CAMK1D: variants seen among roughly 807,000 people sequenced by gnomAD.
CAMK1D encodes calcium/calmodulin-dependent protein kinase type 1D.
In CAMK1D, 9 loss-of-function variants were observed where a neutral mutation model predicts 47.7. That is an observed-to-expected ratio of 0.19 (90% CI 0.11 to 0.33). The LOEUF (loss-of-function observed/expected upper bound fraction) is 0.33, where lower values mean the gene tolerates loss of function less well. Among genes scored for constraint, CAMK1D ranks in the 10% least tolerant of loss-of-function variants. The pLI is 1.00. For missense variants in CAMK1D, 291 were observed against 488.7 expected, an observed-to-expected ratio of 0.60 and a Z score of 3.81; for synonymous variants, 184 against 184.9, an observed-to-expected ratio of 0.99 and a Z score of 0.04.
intron 4 of CAMK1D, among the ~76,000 whole-genome samples, chr10:12,768,456 G>T (rs571287122): frequency 1.2e-4 from 19 of 152,172 alleles, no homozygotes; most frequent in Admixed American, 5.2e-4. Context: ...CCGCTGGGGC[G>T]GGGGAGGAGA....
chr10:12,482,771 G>A (rs893767497), intron 1 of CAMK1D, among the ~76,000 whole-genome samples: 1 of 152,186 alleles, frequency 6.6e-6, no homozygotes, highest in Non-Finnish European at 1.5e-5. Context: ...ACTGCCAGGC[G>A]ATAGGGCTAA....
chr10:12,463,218 A>C (rs1327734316), intron 1 of CAMK1D, among the ~76,000 whole-genome samples: 2 of 151,412 alleles, frequency 1.3e-5, no homozygotes, highest in Non-Finnish European at 2.9e-5. Context: ...GCTCACTGCA[A>C]CCTCTGCCTC....
chr10:12,391,291 A>G (rs544495552), intron 1 of CAMK1D, among the ~76,000 whole-genome samples: 3 of 152,310 alleles, frequency 2.0e-5, no homozygotes, highest in African/African-American at 7.2e-5. Flanking sequence ...TGGAATCACT[A>G]TGTAAATTAA....
chr10:12,528,249 A>C (rs900818712), intron 1 of CAMK1D, among the ~76,000 whole-genome samples: 7 of 152,258 alleles, frequency 4.6e-5, no homozygotes, highest in Non-Finnish European at 8.8e-5. Flanking sequence ...CAATAAGAAG[A>C]AGCATGTTAA....
intron 2 of CAMK1D, among the ~76,000 whole-genome samples, chr10:12,611,372 G>A (rs998139864): frequency 1.3e-5 from 2 of 151,976 alleles, no homozygotes; most frequent in African/African-American, 4.8e-5. Context: ...TGACGTTCCC[G>A]CTCCTGCAGC....
chr10:12,610,663 T>C (rs1279243010), intron 2 of CAMK1D, among the ~76,000 whole-genome samples: 1 of 152,198 alleles, frequency 6.6e-6, no homozygotes, highest in Admixed American at 6.5e-5. Context: ...GGGACGGTCT[T>C]CACAGTGGAA....
At chr10:12,798,468 G>A (rs2482032) in intron 6 of CAMK1D, among the ~76,000 whole-genome samples, 55,618 of 151,948 alleles carry the variant, frequency 0.37, 10,443 homozygotes, top group East Asian at 0.53. Context: ...GAGGGAGGTG[G>A]TGGGGCAGCT....
intron 8 of CAMK1D, among the ~76,000 whole-genome samples, chr10:12,823,682 G>A (rs1303595790): frequency 1.3e-5 from 2 of 152,090 alleles, no homozygotes; most frequent in Non-Finnish European, 1.5e-5. Context: ...GGCAGGCTCA[G>A]GAATCAGCTA....
chr10:12,399,503 G>GA (rs34522793), intron 1 of CAMK1D, among the ~76,000 whole-genome samples: 135 of 140,794 alleles, frequency 9.6e-4, no homozygotes, highest in Middle Eastern at 3.6e-3. Flanking sequence ...GACTCCGTCT[G>GA]AAAAAAAAAA....
At chr10:12,744,435 T>G (rs1440645818) in intron 3 of CAMK1D, among the ~76,000 whole-genome samples, 2 of 151,450 alleles carry the variant, frequency 1.3e-5, no homozygotes, top group Non-Finnish European at 1.5e-5. Context: ...CCACTTTACA[T>G]TTCCACCAGC....
intron 8 of CAMK1D, among the ~76,000 whole-genome samples, chr10:12,818,735 A>G (rs752023766): frequency 1.4e-4 from 21 of 152,086 alleles, no homozygotes; most frequent in Non-Finnish European, 2.5e-4. Context: ...TAGCAAAGCC[A>G]GGATTCCAGC....
rs140713315 is a variant in CAMK1D at position 12,817,777 on chromosome 10, G to A, written c.833+1449G>A. ...GCAGTCTCGGCTCACTGCAGCCTCC[G>A]CCTCCTGTATTCAAGGGATTCTCCT... On this transcript the variant is annotated intron_variant, in intron 8 of 10. Transcript: ENST00000619168. Among the ~76,000 whole-genome samples the A allele has an allele frequency of 5.6e-3, 855 of 152,164 alleles. 10 individuals carry two copies. The highest frequency in any genetic ancestry group is 0.019 in the African/African-American group (807 of 41,516).
At chr10:12,400,350 G>T (rs1187082211) in intron 1 of CAMK1D, among the ~76,000 whole-genome samples, 1 of 152,178 alleles carries the variant, frequency 6.6e-6, no homozygotes, top group African/African-American at 2.4e-5. Context: ...CTCACTTCTT[G>T]CTGCGTACCT....
chr10:12,709,523 G>A (rs1315103813), intron 3 of CAMK1D, among the ~76,000 whole-genome samples: 2 of 152,182 alleles, frequency 1.3e-5, no homozygotes, highest in East Asian at 3.8e-4. Flanking sequence ...ATCTAGTATT[G>A]AGACAGCCCA....
At chr10:12,655,168 C>T (rs144511579) in intron 2 of CAMK1D, among the ~76,000 whole-genome samples, 107 of 152,246 alleles carry the variant, frequency 7.0e-4, no homozygotes, top group Non-Finnish European at 6.6e-4. Context: ...GGCATCTGCT[C>T]GGCTTTTAGG....
chr10:12,572,491 G>T (rs1007110730), intron 2 of CAMK1D, among the ~76,000 whole-genome samples: 4 of 152,172 alleles, frequency 2.6e-5, no homozygotes, highest in Admixed American at 1.3e-4. Flanking sequence ...GGGAAGATGA[G>T]GGATGATTCC....
At chr10:12,643,465 C>T (rs1278432393) in intron 2 of CAMK1D, among the ~76,000 whole-genome samples, 2 of 152,176 alleles carry the variant, frequency 1.3e-5, no homozygotes, top group Non-Finnish European at 2.9e-5. Context: ...AGCTGCTCCC[C>T]ATCCATCACC....
intron 2 of CAMK1D, among the ~76,000 whole-genome samples, chr10:12,648,441 G>A (rs896139861): frequency 6.6e-6 from 1 of 152,142 alleles, no homozygotes; most frequent in Non-Finnish European, 1.5e-5. Context: ...ATGGACTTCA[G>A]TGTCTTTCGC....
chr10:12,421,660 G>T (rs1477381466), intron 1 of CAMK1D, among the ~76,000 whole-genome samples: 1 of 150,964 alleles, frequency 6.6e-6, no homozygotes, highest in East Asian at 1.9e-4. Flanking sequence ...CAAGTAGCTG[G>T]GTCTACAGGT....
Sources: allele counts gnomAD v4.1 joint callset (sites outside exome capture counted in the v4.1 genomes callset), GRCh38; gene constraint gnomAD v4.1.1; transcripts MANE v1.5; gene names NCBI Gene and HGNC (gene_info 2026-07-23, HGNC 2026-07-21).